The following SEH1L variants were observed in gnomAD, a reference collection of about 807,000 sequenced individuals.
The protein encoded by SEH1L is SEH1 like nucleoporin, also known as nucleoporin SEH1.
SEH1L carries 18 observed loss-of-function variants against 49.5 expected under a neutral mutation model. The ratio of observed to expected loss-of-function variants is 0.36; its 90% CI spans 0.25 to 0.54. The LOEUF (loss-of-function observed/expected upper bound fraction) is 0.54, where lower values mean the gene tolerates loss of function less well. Ranked by LOEUF, SEH1L falls within the 20% of genes least tolerant of loss-of-function variation. The pLI is 0.87. For missense variants in SEH1L, 404 were observed against 528.8 expected, an observed-to-expected ratio of 0.76 and a Z score of 2.31; for synonymous variants, 169 against 178.1, an observed-to-expected ratio of 0.95 and a Z score of 0.41.
chr18:12,950,396 G>C (rs1199561358), intron 1 of SEH1L, among the ~76,000 whole-genome samples: 1 of 151,912 alleles, frequency 6.6e-6, no homozygotes, highest in African/African-American at 2.4e-5. Flanking sequence ...GTATTTATTT[G>C]TATATATTTT....
At chr18:12,949,715 A>G (rs540413322) in intron 1 of SEH1L, among the ~76,000 whole-genome samples, 16 of 152,006 alleles carry the variant, frequency 1.1e-4, no homozygotes, top group African/African-American at 3.6e-4. Flanking sequence ...GGCCTCCCAA[A>G]GTGCTAGGAT....
chr18:12,962,000 G>A (rs11080616), intron 3 of SEH1L, among the ~76,000 whole-genome samples: 47,620 of 152,062 alleles, frequency 0.31, 8,979 homozygotes, highest in East Asian at 0.6. Flanking sequence ...CATCTTATCT[G>A]TGTGCCAGAA....
rs561566831 is a variant in SEH1L at position 12,978,952 on chromosome 18, T to C, written c.761+60T>C. The C allele has an allele frequency of 2.8e-5, 42 of 1,516,854 alleles. No individual in the cohort carries two copies. The African/African-American group carries it at 4.7e-4, about 17-fold the overall frequency. The allele number at this position is 1,516,854 out of a possible 1,614,324, so 94.0% of individuals were successfully genotyped here. On this transcript the variant is annotated intron_variant, in intron 6 of 8. Transcript: ENST00000399892. The stretch of plus-strand genomic sequence containing the variant: ...CTCTTGCCTTCTGATTACCTTTGTT[T>C]GTGGAGGAGAGAGTAGAGGTAACTA...
intron 3 of SEH1L, among the ~76,000 whole-genome samples, chr18:12,956,945 TA>T (rs1444648804): frequency 1.3e-5 from 2 of 152,064 alleles, no homozygotes; most frequent in Non-Finnish European, 2.9e-5. Flanking sequence ...TGGGTGCCTG[TA>T]AGTCCCAGCT....
intron 2 of SEH1L, among the ~76,000 whole-genome samples, chr18:12,952,834 T>C (rs559111226): frequency 6.9e-6 from 1 of 145,372 alleles, no homozygotes; most frequent in East Asian, 2.1e-4. Context: ...CAGGCTGGAG[T>C]GCAGTGGTGC....
intron 8 of SEH1L, chr18:12,986,457 CTG>C (rs2032462045): frequency 7.1e-6 from 7 of 986,516 alleles, no homozygotes; most frequent in East Asian, 1.1e-4. Context: ...CTTGCTGCTG[CTG>C]TGAGTGAACC....
intron 3 of SEH1L, among the ~76,000 whole-genome samples, chr18:12,962,274 C>T (rs1411179304): frequency 1.3e-5 from 2 of 151,512 alleles, no homozygotes; most frequent in Admixed American, 6.6e-5. Context: ...TGGCAGGTGC[C>T]TGTCATCCCA....
At chr18:12,973,696 A>C (rs1289040125) in intron 5 of SEH1L, 1 of 152,214 alleles carries the variant, frequency 6.6e-6, no homozygotes, top group African/African-American at 2.4e-5. Flanking sequence ...TAACAGAATA[A>C]ATCTAGACTG....
intron 8 of SEH1L, chr18:12,985,735 AT>A: frequency 1.1e-6 from 1 of 952,314 alleles, no homozygotes; most frequent in Non-Finnish European, 1.3e-6. Flanking sequence ...TTGAGTGCTG[AT>A]TTGTTTACTT....
At chr18:12,957,428 C>CA (rs200750914) in intron 3 of SEH1L, among the ~76,000 whole-genome samples, 40,276 of 145,404 alleles carry the variant, frequency 0.28, 5,733 homozygotes, top group South Asian at 0.43. Flanking sequence ...GACTTCGTCT[C>CA]AAAAAAAAAA....
chr18:12,971,279 G>A lies in SEH1L; in HGVS notation c.620+28G>A, dbSNP rs758784105. On this transcript the variant is annotated intron_variant, in intron 5 of 8. Transcript: ENST00000399892. ...CAGTCCTGCTTTGGTTTTAATAATT[G>A]TTCAGAATTGCATTTAATTTTTTAA... 3.8e-6 allele frequency: 5 copies of A among 1,327,974 alleles called. No individual in the cohort carries two copies. In the South Asian group the frequency reaches 4.9e-5, roughly 13 times the overall value. The allele number at this position is 1,327,974 out of a possible 1,614,324, so 82.3% of individuals were successfully genotyped here.
rs757288322 is a variant in SEH1L, at chr18:12,951,912, ATTTATT to A, written c.162+12_162+17del. ...TTGTACTGCTAGCTGGAAGGTTAGT[ATTTATT>A]TTTACATTTATTAAAAATACAGAAA... On this transcript the variant is annotated splice_region_variant and intron_variant, in intron 2 of 8. Transcript: ENST00000399892. The A allele has an allele frequency of 1.0e-4, 152 of 1,467,742 alleles. No homozygotes were observed. In the African/African-American group the frequency reaches 1.9e-3, roughly 18 times the overall value. The allele number at this position is 1,467,742 out of a possible 1,614,324, so 90.9% of individuals were successfully genotyped here.
Position 12,978,777 on chromosome 18 carries a change from A to T in SEH1L, c.646A>T (p.Met216Leu), listed in dbSNP as rs776631192. ...GAAATATGCAAAAGCTGAAACTCTTATGACAGTCACTGATCCTGTTCATGA... is the reference window on the plus strand; with the variant it reads ...GAAATATGCAAAAGCTGAAACTCTTTTGACAGTCACTGATCCTGTTCATGA... ...TRKYAKAETL[M>L]TVTDPVHDIA... Residue 216 changes from methionine to leucine, a missense_variant, in exon 6 of 9, where the codon ATG becomes TTG. Met to Leu is a conservative substitution (Grantham distance 15). Coordinates refer to ENST00000399892, the MANE Select transcript of SEH1L (RefSeq NM_001013437.2). 3 of 1,613,232 alleles carry T rather than the reference A, an allele frequency of 1.9e-6. No homozygotes were observed. Among genetic ancestry groups the T allele is most frequent in the East Asian group, 2.2e-5 (1 of 44,870 alleles).
At chr18:12,965,596 A>G (rs1184594991) in intron 4 of SEH1L, among the ~76,000 whole-genome samples, 1 of 152,238 alleles carries the variant, frequency 6.6e-6, no homozygotes, top group South Asian at 2.1e-4. Context: ...TAAGAATTTC[A>G]AAAGATACAG....
Position 12,987,036 on chromosome 18 carries a change from AC to A in SEH1L, c.1247del (p.Pro416LeufsTer11), listed in dbSNP as rs1273552559. ...RYLSRPLNPL[P>X]ENEGI ...ATCTCTCTCGGCCTCTTAATCCCTT[AC>A]CTGAGAATGAAGGGATTTAAAACAC... On this transcript the variant is annotated frameshift_variant, in exon 9 of 9. Coordinates refer to ENST00000399892, the MANE Select transcript of SEH1L (RefSeq NM_001013437.2). LOFTEE classifies it high-confidence loss of function. 2 of 1,607,960 alleles carry A rather than the reference AC, an allele frequency of 1.2e-6. No homozygotes were observed. Among genetic ancestry groups the A allele is most frequent in the East Asian group, 4.5e-5 (2 of 44,660 alleles).
At chr18:12,986,047 C>A in intron 8 of SEH1L, 1 of 979,414 alleles carries the variant, frequency 1.0e-6, no homozygotes, top group Non-Finnish European at 1.2e-6. Context: ...TCCTTCAAAT[C>A]AAAATTTGGA....
At chr18:12,966,616 G>C (rs1034865045) in intron 4 of SEH1L, among the ~76,000 whole-genome samples, 1 of 152,050 alleles carries the variant, frequency 6.6e-6, no homozygotes, top group Non-Finnish European at 1.5e-5. Context: ...TGCCCAGAAT[G>C]GTGTTGAACT....
In SEH1L at chr18:12,978,747, A is replaced by T; in HGVS notation, c.621-5A>T. ...AAATGTTAATGTCAATTGTTTTTCCATTAGGAAATATGCAAAAGCTGAAAC... is the reference window on the plus strand; with the variant it reads ...AAATGTTAATGTCAATTGTTTTTCCTTTAGGAAATATGCAAAAGCTGAAAC... On this transcript the variant is annotated splice_region_variant and splice_polypyrimidine_tract_variant and intron_variant, in intron 5 of 8. Transcript: ENST00000399892. 6.2e-7 allele frequency: 1 copy of T among 1,603,516 alleles called. No homozygotes were observed. The highest frequency in any genetic ancestry group is 8.5e-7 in the Non-Finnish European group (1 of 1,174,406).
chr18:12,957,514 CATAAT>C (rs1290862247), intron 3 of SEH1L, among the ~76,000 whole-genome samples: 1 of 152,112 alleles, frequency 6.6e-6, no homozygotes, highest in East Asian at 1.9e-4. Context: ...TGGGCAAGAA[CATAAT>C]ATAATCTGTG....
Sources: allele counts gnomAD v4.1 joint callset (sites outside exome capture counted in the v4.1 genomes callset), GRCh38; gene constraint gnomAD v4.1.1; transcripts MANE v1.5; gene names NCBI Gene and HGNC (gene_info 2026-07-23, HGNC 2026-07-21).